The following CAST variants were observed in gnomAD, a reference collection of about 807,000 sequenced individuals.
The protein encoded by CAST is MIR583 host.
CAST carries 76 observed loss-of-function variants against 119.6 expected under a neutral mutation model. That is an observed-to-expected ratio of 0.64 (90% CI 0.53 to 0.77). CAST has a LOEUF of 0.77. Ranked by LOEUF, CAST falls within the 30% of genes least tolerant of loss-of-function variation. CAST has a pLI of 0.00. For missense variants in CAST, 953 were observed against 946.5 expected, an observed-to-expected ratio of 1.01 and a Z score of -0.09; for synonymous variants, 319 against 331.6, an observed-to-expected ratio of 0.96 and a Z score of 0.41.
chr5:96,614,200 G>A (rs756711357), intron 1 of CAST, among the ~76,000 whole-genome samples: 9 of 152,222 alleles, frequency 5.9e-5, no homozygotes, highest in Non-Finnish European at 1.3e-4. Flanking sequence ...TCCACCAGAT[G>A]GCAGCAGAAG....
the CAST span, among the ~76,000 whole-genome samples, chr5:96,293,486 C>T: frequency 1.3e-5 from 2 of 151,992 alleles, no homozygotes; most frequent in Non-Finnish European, 1.5e-5. Flanking sequence ...CCATGTTTGT[C>T]AGGCTGGTCT....
At chr5:95,987,189 C>G in the CAST span, among the ~76,000 whole-genome samples, 1 of 152,134 alleles carries the variant, frequency 6.6e-6, no homozygotes, top group Non-Finnish European at 1.5e-5. Flanking sequence ...AGTCTCAGCT[C>G]TAATACAAAC....
intron 17 of CAST, 76 bp downstream of exon 17, chr5:96,746,501 A>G (rs184402897): frequency 4.6e-6 from 4 of 873,892 alleles, no homozygotes; most frequent in Admixed American, 1.7e-5. Context: ...TACCCTTGAC[A>G]TTGTCAAAGG....
chr5:96,463,390 GA>G, the CAST span, among the ~76,000 whole-genome samples: 1 of 151,986 alleles, frequency 6.6e-6, no homozygotes, highest in South Asian at 2.1e-4. Context: ...CATTATCATG[GA>G]GCATTTCAAA....
the CAST span, among the ~76,000 whole-genome samples, chr5:96,137,939 G>C: frequency 6.6e-6 from 1 of 150,510 alleles, no homozygotes; most frequent in Admixed American, 6.6e-5. Flanking sequence ...GTAGTGGCTT[G>C]TCTTTTCATT....
At chr5:96,111,751 T>A in the CAST span, among the ~76,000 whole-genome samples, 1 of 152,234 alleles carries the variant, frequency 6.6e-6, no homozygotes. Context: ...CAGCAAGTAC[T>A]GATGGGAGTC....
the CAST span, among the ~76,000 whole-genome samples, chr5:96,130,756 C>T: frequency 6.6e-6 from 1 of 151,868 alleles, no homozygotes; most frequent in Non-Finnish European, 1.5e-5. Flanking sequence ...AGAGAAAATC[C>T]AAATGACCAT....
chr5:96,568,475 G>T (rs1329229357), intron 1 of CAST, among the ~76,000 whole-genome samples: 2 of 148,036 alleles, frequency 1.4e-5, no homozygotes, highest in African/African-American at 5.0e-5. Flanking sequence ...TAAGGCAGGA[G>T]AATCACTTGA....
chr5:96,573,927 T>C (rs1746617784), intron 1 of CAST, among the ~76,000 whole-genome samples: 1 of 152,220 alleles, frequency 6.6e-6, no homozygotes, highest in Non-Finnish European at 1.5e-5. Context: ...AGATCTTCTA[T>C]GATTTGTCTT....
chr5:96,032,036 C>T, the CAST span, among the ~76,000 whole-genome samples: 1 of 152,126 alleles, frequency 6.6e-6, no homozygotes, highest in East Asian at 1.9e-4. Context: ...GCTCAAGTGT[C>T]CCCACCACAT....
the CAST span, among the ~76,000 whole-genome samples, chr5:96,403,196 T>G: frequency 5.9e-5 from 9 of 152,346 alleles, 2 homozygotes; most frequent in African/African-American, 2.2e-4. Context: ...TTTTAAAAAT[T>G]TCCTTTATCT....
At chr5:96,129,849 A>AAATATTAATT in the CAST span, among the ~76,000 whole-genome samples, 1 of 151,546 alleles carries the variant, frequency 6.6e-6, no homozygotes, top group African/African-American at 2.4e-5. Flanking sequence ...TATTTCTAAA[A>AAATATTAATT]AGTATTAATT....
At chr5:96,216,318 A>G in the CAST span, among the ~76,000 whole-genome samples, 1 of 152,152 alleles carries the variant, frequency 6.6e-6, no homozygotes, top group Non-Finnish European at 1.5e-5. Context: ...TAACCCCCAC[A>G]TTGTTCAAGG....
At chr5:96,687,648 G>A in intron 2 of CAST, among the ~76,000 whole-genome samples, 1 of 152,070 alleles carries the variant, frequency 6.6e-6, no homozygotes, top group Non-Finnish European at 1.5e-5. Context: ...TCTAATTCAA[G>A]CTTAAGGACC....
At chr5:96,527,630 A>G (rs1373517103), upstream of CAST, among the ~76,000 whole-genome samples, 1 of 152,192 alleles carries the variant, frequency 6.6e-6, no homozygotes, top group African/African-American at 2.4e-5. Context: ...AGTAATACAC[A>G]ATTAATAATG....
the CAST span, chr5:96,393,205 C>T: frequency 6.2e-7 from 1 of 1,614,090 alleles, no homozygotes; most frequent in Non-Finnish European, 8.5e-7. Context: ...TTGGGGACTT[C>T]TTTGGTGATT....
At chr5:96,314,821 C>T in the CAST span, among the ~76,000 whole-genome samples, 298 of 152,292 alleles carry the variant, frequency 2.0e-3, 3 homozygotes, top group Non-Finnish European at 5.6e-4. Flanking sequence ...ACATGCTGAT[C>T]GTTACTGACT....
chr5:96,682,759 T>G (rs771935041), intron 2 of CAST, among the ~76,000 whole-genome samples: 1 of 152,224 alleles, frequency 6.6e-6, no homozygotes, highest in Non-Finnish European at 1.5e-5. Flanking sequence ...CAGGTGAATA[T>G]GCACAATGCT....
the CAST span, among the ~76,000 whole-genome samples, chr5:95,988,777 G>C: frequency 6.6e-6 from 1 of 152,042 alleles, no homozygotes; most frequent in Non-Finnish European, 1.5e-5. Context: ...GACAGAATAC[G>C]CATAAACTCT....
Sources: gnomAD v4.1 joint callset for allele counts (sites outside exome capture counted in the v4.1 genomes callset) on GRCh38, gnomAD v4.1.1 for gene constraint, MANE v1.5 for transcripts, NCBI Gene and HGNC (gene_info 2026-07-23, HGNC 2026-07-21) for gene names.